The following IL7 variants were observed in gnomAD, a reference collection of about 807,000 sequenced individuals.
IL7 encodes the protein interleukin-7.
A neutral mutation model predicts 21.6 loss-of-function variants in IL7; 3 were observed. That is an observed-to-expected ratio of 0.14 (90% CI 0.06 to 0.36). The LOEUF (loss-of-function observed/expected upper bound fraction) is 0.36, where lower values mean the gene tolerates loss of function less well. IL7 is among the 10% of genes least tolerant of loss of function. The pLI is 1.00. For missense variants in IL7, 175 were observed against 200.2 expected (o/e 0.87, Z 0.76); for synonymous variants, 62 against 68.1 (o/e 0.91, Z 0.44).
intron 4 of IL7, among the ~76,000 whole-genome samples, chr8:78,684,396 ATCTCATGAGACTCATTCACTG>A (rs1249374320): frequency 6.6e-6 from 1 of 152,178 alleles, no homozygotes; most frequent in African/African-American, 2.4e-5. Flanking sequence ...AAACCATCAG[ATCTCATGAGACTCATTCACTG>A]TCATGAGGAC....
intron 5 of IL7, among the ~76,000 whole-genome samples, chr8:78,735,624 T>C (rs1811567126): frequency 6.6e-6 from 1 of 152,080 alleles, no homozygotes; most frequent in Non-Finnish European, 1.5e-5. Flanking sequence ...TTCTAAACTT[T>C]CCAAATTCTC....
chr8:78,758,667 G>C (rs1812436631), intron 2 of IL7, among the ~76,000 whole-genome samples: 1 of 151,992 alleles, frequency 6.6e-6, no homozygotes, highest in South Asian at 2.1e-4. Flanking sequence ...TTTGAATATA[G>C]TTTCTCATGC....
chr8:78,765,897 T>C (rs1458511193), intron 2 of IL7, among the ~76,000 whole-genome samples: 1 of 152,160 alleles, frequency 6.6e-6, no homozygotes, highest in Non-Finnish European at 1.5e-5. Context: ...GCTTTATTCA[T>C]AATGACCAAA....
chr8:78,805,169 C>T lies in IL7; in HGVS notation c.-247G>A. ...TTTTCCATAACTTCCGTAGGATCCG[C>T]CAGCAGTGTACTTTCAGTTTCTACT... is the stretch of plus-strand genomic sequence containing the variant. On this transcript the variant is annotated 5_prime_UTR_variant, in exon 1 of 6. Coordinates refer to ENST00000263851, the MANE Select transcript of IL7 (RefSeq NM_000880.4). The T allele has an allele frequency of 2.1e-6, 1 of 467,204 alleles. No homozygotes were observed. The highest frequency in any genetic ancestry group is 3.5e-5 in the South Asian group (1 of 28,436). 28.9% of individuals were successfully genotyped at this position (467,204 alleles called of 1,614,324 possible).
chr8:78,768,186 T>C (rs1471019666), intron 2 of IL7, among the ~76,000 whole-genome samples: 1 of 152,176 alleles, frequency 6.6e-6, no homozygotes, highest in Non-Finnish European at 1.5e-5. Context: ...GACATTTGGG[T>C]TGGTTCCAAG....
intron 3 of IL7, among the ~76,000 whole-genome samples, chr8:78,709,781 AT>A (rs1810898480): frequency 6.6e-6 from 1 of 152,060 alleles, no homozygotes; most frequent in African/African-American, 2.4e-5. Context: ...ATAGGGCCCC[AT>A]TCAAAGCCAT....
intron 3 of IL7, among the ~76,000 whole-genome samples, chr8:78,704,424 C>G (rs1250857599): frequency 6.6e-6 from 1 of 151,232 alleles, no homozygotes; most frequent in African/African-American, 2.4e-5. Flanking sequence ...AAATATTGGT[C>G]CCCAATATCT....
chr8:78,697,914 G>A (rs996656869), intron 3 of IL7, among the ~76,000 whole-genome samples: 7 of 151,974 alleles, frequency 4.6e-5, no homozygotes, highest in African/African-American at 1.5e-4. Flanking sequence ...TCCTGAACTC[G>A]TGATCCCCCA....
At chr8:78,801,999 C>T (rs1235787081) in intron 1 of IL7, among the ~76,000 whole-genome samples, 3 of 152,082 alleles carry the variant, frequency 2.0e-5, no homozygotes, top group East Asian at 1.9e-4. Context: ...ATTAGGTTAC[C>T]GAAAAGATAA....
intron 3 of IL7, among the ~76,000 whole-genome samples, chr8:78,691,185 G>A (rs1464596846): frequency 6.6e-6 from 1 of 152,120 alleles, no homozygotes; most frequent in Non-Finnish European, 1.5e-5. Flanking sequence ...TCACCATTGT[G>A]TATGATGTTC....
chr8:78,739,148 A>G (rs1811694156), intron 3 of IL7, among the ~76,000 whole-genome samples: 1 of 152,164 alleles, frequency 6.6e-6, no homozygotes, highest in African/African-American at 2.4e-5. Context: ...TGGTTGTGAG[A>G]TGCCATGAGG....
rs1393038298 is a variant in IL7 at position 78,733,759 on chromosome 8, A to G, written c.488T>C (p.Ile163Thr). 6.2e-7 allele frequency: 1 copy of G among 1,601,516 alleles called. No homozygotes were observed. Reference sequence around the variant, plus strand: ...CAAAATTTTATTCCAACAAGTTTTTATCTCTTGTAATAGTCTCTTTAGGAA... The same window carrying G: ...CAAAATTTTATTCCAACAAGTTTTTGTCTCTTGTAATAGTCTCTTTAGGAA... Reference protein sequence around the residue: ...LCFLKRLLQEIKTCWNKILMG... With the variant: ...LCFLKRLLQETKTCWNKILMG... Residue 163 changes from isoleucine (I) to threonine (T), a missense_variant, in exon 6 of 6, where the codon ATA becomes ACA. Physicochemically the swap from Ile to Thr is moderately conservative, Grantham distance 89. Transcript: ENST00000263851.
intron 2 of IL7, among the ~76,000 whole-genome samples, chr8:78,778,226 C>T (rs1172871924): frequency 6.6e-6 from 1 of 152,060 alleles, no homozygotes; most frequent in Non-Finnish European, 1.5e-5. Flanking sequence ...ACAGCCATTT[C>T]ATAAATGCAT....
chr8:78,675,989 G>T, exon 5 of IL7: 1 of 668,820 alleles, frequency 1.5e-6, no homozygotes, highest in Non-Finnish European at 2.4e-6. Flanking sequence ...ACTATTCTTT[G>T]TTCAAGGGTC....
intron 2 of IL7, among the ~76,000 whole-genome samples, chr8:78,775,214 A>G (rs1305719773): frequency 6.6e-6 from 1 of 152,138 alleles, no homozygotes; most frequent in Non-Finnish European, 1.5e-5. Context: ...TCCAGGAACT[A>G]TATGATTCAA....
intron 2 of IL7, among the ~76,000 whole-genome samples, chr8:78,795,240 C>T (rs973083835): frequency 1.3e-5 from 2 of 152,102 alleles, no homozygotes; most frequent in African/African-American, 2.4e-5. Flanking sequence ...GTAATGTCTG[C>T]AAAGCATCTA....
chr8:78,708,571 GCAAT>G (rs780481433), intron 3 of IL7, among the ~76,000 whole-genome samples: 1 of 150,840 alleles, frequency 6.6e-6, no homozygotes, highest in Admixed American at 6.6e-5. Context: ...GTAAAAAAAA[GCAAT>G]CAAATCAATT....
At chr8:78,750,320 T>A (rs1243612620) in intron 2 of IL7, among the ~76,000 whole-genome samples, 1 of 151,740 alleles carries the variant, frequency 6.6e-6, no homozygotes, top group Non-Finnish European at 1.5e-5. Flanking sequence ...ATAGAACACA[T>A]CCCCTTTTTC....
chr8:78,758,949 G>C (rs1308897711), intron 2 of IL7, among the ~76,000 whole-genome samples: 1 of 151,764 alleles, frequency 6.6e-6, no homozygotes, highest in Non-Finnish European at 1.5e-5. Flanking sequence ...GTTGTCTATG[G>C]CATTTCCATT....
Sources: allele counts gnomAD v4.1 joint callset (sites outside exome capture counted in the v4.1 genomes callset), GRCh38; gene constraint gnomAD v4.1.1; transcripts MANE v1.5; gene names NCBI Gene and HGNC (gene_info 2026-07-23, HGNC 2026-07-21).